The following NCOA1 variants were observed in gnomAD, a reference collection of about 807,000 sequenced individuals.
NCOA1 encodes the protein Hin-2 protein.
NCOA1 carries 35 observed loss-of-function variants against 150.9 expected under a neutral mutation model. That is an observed-to-expected ratio of 0.23 (90% CI 0.18 to 0.31). The LOEUF is 0.31. Ranked by LOEUF, NCOA1 falls within the 10% of genes least tolerant of loss-of-function variation. The probability of loss-of-function intolerance (pLI) is 1.00; values close to 1 mark genes in which losing one functional copy is unlikely to be tolerated. For missense variants in NCOA1, 1,491 were observed against 1,749.3 expected, an observed-to-expected ratio of 0.85 and a Z score of 2.63; for synonymous variants, 590 against 630.0, an observed-to-expected ratio of 0.94 and a Z score of 0.95.
At chr2:24,624,582 G>A (rs1406623111) in intron 3 of NCOA1, among the ~76,000 whole-genome samples, 1 of 152,210 alleles carries the variant, frequency 6.6e-6, no homozygotes, top group Non-Finnish European at 1.5e-5. Flanking sequence ...CTTCTGGTGA[G>A]AAGAGTCAAG....
intron 1 of NCOA1, chr2:24,492,051 C>T (rs993195661): frequency 2.0e-5 from 3 of 152,070 alleles, no homozygotes; most frequent in African/African-American, 7.2e-5. Flanking sequence ...GGCCCGCTCA[C>T]CTCTCGGAAT....
At chr2:24,691,928 G>A (rs1280708138) in intron 9 of NCOA1, among the ~76,000 whole-genome samples, 3 of 152,140 alleles carry the variant, frequency 2.0e-5, no homozygotes, top group Non-Finnish European at 4.4e-5. Flanking sequence ...CCAACTTGCT[G>A]TCTAGAAATA....
chr2:24,647,663 CAATA>C (rs1670534591), intron 4 of NCOA1, among the ~76,000 whole-genome samples: 1 of 152,064 alleles, frequency 6.6e-6, no homozygotes, highest in African/African-American at 2.4e-5. Context: ...ATTACATGCT[CAATA>C]TATATATAAT....
chr2:24,729,870 A>AC (rs1194658359), intron 17 of NCOA1, 55 bp downstream of exon 17: 11 of 1,404,900 alleles, frequency 7.8e-6, no homozygotes, highest in Admixed American at 2.4e-5. Flanking sequence ...ACGAAGTCTC[A>AC]CCTGTCACCA....
chr2:24,619,244 G>A (rs1323264186), intron 3 of NCOA1, among the ~76,000 whole-genome samples: 1 of 152,014 alleles, frequency 6.6e-6, no homozygotes, highest in African/African-American at 2.4e-5. Flanking sequence ...TATTCACTTG[G>A]GTTTGTTTTA....
In NCOA1 at chr2:24,690,874, A is replaced by G. The variant is rs536512532; in HGVS notation, c.533-607A>G. Among the ~76,000 whole-genome samples, 3 of 152,260 alleles carry G rather than the reference A, an allele frequency of 2.0e-5. No homozygotes were observed. The East Asian group carries it at 5.8e-4, about 29-fold the overall frequency. On this transcript the variant is annotated intron_variant, in intron 8 of 22. Transcript: ENST00000348332. ...CTTTTTTTACATAATAATATTGATT[A>G]TCCACTATATCCAAGGTATTGTAGC...
intron 17 of NCOA1, among the ~76,000 whole-genome samples, chr2:24,735,365 C>T (rs1663244039): frequency 6.6e-6 from 1 of 152,174 alleles, no homozygotes; most frequent in Admixed American, 6.5e-5. Flanking sequence ...CATATCCTCT[C>T]CTTCCCTCTT....
chr2:24,694,665 G>C (rs1317813094), intron 10 of NCOA1, among the ~76,000 whole-genome samples: 1 of 152,092 alleles, frequency 6.6e-6, no homozygotes, highest in African/African-American at 2.4e-5. Context: ...TCTAAGGATA[G>C]TAATTATCAA....
chr2:24,595,689 T>C (rs1053038929), intron 3 of NCOA1, among the ~76,000 whole-genome samples: 1 of 151,988 alleles, frequency 6.6e-6, no homozygotes, highest in South Asian at 2.1e-4. Flanking sequence ...GGCGTCCTAA[T>C]TGGTGTCCTA....
intron 8 of NCOA1, among the ~76,000 whole-genome samples, chr2:24,686,574 T>C (rs1213352132): frequency 6.6e-6 from 1 of 152,174 alleles, no homozygotes; most frequent in Non-Finnish European, 1.5e-5. Flanking sequence ...CTAGTATAGA[T>C]CTATCCTCTT....
chr2:24,549,958 AC>A (rs1665759362), intron 1 of NCOA1, among the ~76,000 whole-genome samples: 1 of 152,156 alleles, frequency 6.6e-6, no homozygotes, highest in Non-Finnish European at 1.5e-5. Flanking sequence ...TCCGCCAGAT[AC>A]CCTAAATCAT....
chr2:24,557,056 C>T (rs1322147142), intron 1 of NCOA1, among the ~76,000 whole-genome samples: 1 of 149,374 alleles, frequency 6.7e-6, no homozygotes, highest in Non-Finnish European at 1.5e-5. Context: ...TTTTTAGCAG[C>T]ATCCTTGGTG....
At chr2:24,733,649 C>T (rs1401421690) in intron 17 of NCOA1, among the ~76,000 whole-genome samples, 1 of 152,114 alleles carries the variant, frequency 6.6e-6, no homozygotes, top group Non-Finnish European at 1.5e-5. Context: ...GAGGCTGAGG[C>T]AGGAGAATTG....
intron 19 of NCOA1, among the ~76,000 whole-genome samples, chr2:24,749,087 A>G (rs977860214): frequency 6.6e-5 from 10 of 152,206 alleles, no homozygotes; most frequent in African/African-American, 1.9e-4. Flanking sequence ...TTTAAAAAAC[A>G]TTTTTACACT....
chr2:24,501,670 T>G (rs753513841), intron 1 of NCOA1, among the ~76,000 whole-genome samples: 2 of 152,246 alleles, frequency 1.3e-5, no homozygotes, highest in Non-Finnish European at 2.9e-5. Context: ...ATCATGATTC[T>G]ATACCAGAAG....
chr2:24,562,387 CA>C (rs1666325714), intron 1 of NCOA1, among the ~76,000 whole-genome samples: 1 of 152,172 alleles, frequency 6.6e-6, no homozygotes, highest in African/African-American at 2.4e-5. Flanking sequence ...TCCCCAAATC[CA>C]AAAGAATCTG....
At chr2:24,718,088 TG>T (rs1674146751) in intron 14 of NCOA1, among the ~76,000 whole-genome samples, 1 of 152,000 alleles carries the variant, frequency 6.6e-6, no homozygotes, top group Non-Finnish European at 1.5e-5. Flanking sequence ...TCAGTAGAGA[TG>T]GGGTTTCTCC....
intron 16 of NCOA1, 22 bp downstream of exon 16, chr2:24,728,498 A>G (rs997324013): frequency 1.9e-5 from 31 of 1,597,282 alleles, no homozygotes; most frequent in Non-Finnish European, 2.7e-5. Flanking sequence ...AGTCAACATT[A>G]TTTAACTGAT....
chr2:24,523,495 A>G lies in NCOA1; in HGVS notation c.-396+31893A>G, dbSNP rs1002236052. ...GTGGTGGGTGCCTGTAGTTCCAGCTACTCGGGAGGCTGAGGCAGGAGAATG... is the reference window on the plus strand; with the variant it reads ...GTGGTGGGTGCCTGTAGTTCCAGCTGCTCGGGAGGCTGAGGCAGGAGAATG... On this transcript the variant is annotated intron_variant, in intron 1 of 22. Coordinates refer to ENST00000348332, the MANE Select transcript of NCOA1 (RefSeq NM_003743.5). 2.7e-5 allele frequency among the ~76,000 whole-genome samples: 4 copies of G among 149,476 alleles called. No homozygotes were observed. In the Admixed American group the frequency reaches 2.7e-4, roughly 10 times the overall value.
Sources: gnomAD v4.1 joint callset for allele counts (sites outside exome capture counted in the v4.1 genomes callset) on GRCh38, gnomAD v4.1.1 for gene constraint, MANE v1.5 for transcripts, NCBI Gene and HGNC (gene_info 2026-07-23, HGNC 2026-07-21) for gene names.